Variants in SYN3 observed in about 807,000 individuals in gnomAD.
SYN3 encodes synapsin III.
Under a neutral mutation model 65.8 loss-of-function variants are expected in SYN3, and 35 were observed. The ratio of observed to expected loss-of-function variants is 0.53; its 90% CI spans 0.41 to 0.70. The LOEUF (loss-of-function observed/expected upper bound fraction) is 0.70. Among genes scored for constraint, SYN3 ranks in the 30% least tolerant of loss-of-function variants. SYN3 has a pLI of 0.00. For synonymous variants in SYN3, 270 were observed against 292.9 expected, an observed-to-expected ratio of 0.92 and a Z score of 0.80; for missense variants, 680 against 749.0, an observed-to-expected ratio of 0.91 and a Z score of 1.08.
chr22:32,569,567 C>CTATATATATATATA (rs1225222696), intron 7 of SYN3, among the ~76,000 whole-genome samples: 1 of 64,452 alleles, frequency 1.6e-5, no homozygotes. Context: ...CTCTCTCTCT[C>CTATATATATATATA]TCTCTATATA....
At chr22:32,785,141 G>A (rs189204717) in intron 6 of SYN3, among the ~76,000 whole-genome samples, 1 of 152,134 alleles carries the variant, frequency 6.6e-6, no homozygotes. Flanking sequence ...TGTTACAGCT[G>A]GAGGGGATGA....
intron 6 of SYN3, among the ~76,000 whole-genome samples, chr22:32,723,940 C>T (rs761226872): frequency 5.3e-5 from 8 of 152,180 alleles, no homozygotes; most frequent in Non-Finnish European, 8.8e-5. Flanking sequence ...GCAAATGCCA[C>T]GTCTTGTGGG....
intron 6 of SYN3, among the ~76,000 whole-genome samples, chr22:32,760,209 A>C (rs1305294611): frequency 3.3e-4 from 2 of 6,134 alleles, no homozygotes; most frequent in Non-Finnish European, 6.0e-4. Context: ...ACCCGCCCCC[A>C]GCCAACAGCC....
At chr22:32,980,783 G>T in intron 2 of SYN3, 81 bp from the exon 3 acceptor site, 1 of 1,267,388 alleles carries the variant, frequency 7.9e-7, no homozygotes, top group Non-Finnish European at 1.1e-6. Context: ...CCTTACCCCA[G>T]AGGTGCATAT....
intron 4 of SYN3, among the ~76,000 whole-genome samples, chr22:32,889,614 C>T (rs188311965): frequency 2.0e-5 from 3 of 152,042 alleles, no homozygotes; most frequent in Non-Finnish European, 2.9e-5. Context: ...AACAAATCAA[C>T]GCATATATTT....
At chr22:32,634,690 C>G (rs887309532) in intron 6 of SYN3, among the ~76,000 whole-genome samples, 2 of 152,194 alleles carry the variant, frequency 1.3e-5, no homozygotes, top group South Asian at 2.1e-4. Flanking sequence ...TCTTTCAGGA[C>G]TGCCCTCCAG....
intron 6 of SYN3, among the ~76,000 whole-genome samples, chr22:32,611,382 C>A (rs1327008877): frequency 6.6e-6 from 1 of 150,542 alleles, no homozygotes; most frequent in African/African-American, 2.5e-5. Flanking sequence ...CAACCTCTGC[C>A]TCCCAGATTC....
chr22:32,800,934 C>G (rs2046555953), intron 6 of SYN3, among the ~76,000 whole-genome samples: 1 of 152,186 alleles, frequency 6.6e-6, no homozygotes, highest in Admixed American at 6.5e-5. Context: ...CATGTCCAAC[C>G]CAGAACTCTG....
intron 6 of SYN3, among the ~76,000 whole-genome samples, chr22:32,742,502 A>G (rs1156289690): frequency 6.6e-6 from 1 of 152,170 alleles, no homozygotes; most frequent in Non-Finnish European, 1.5e-5. Flanking sequence ...AGGATGGGAA[A>G]TGAAGGGAGG....
chr22:32,865,003 A>G lies in SYN3; in HGVS notation c.623T>C (p.Phe208Ser). The change falls in exon 6 of 14, where the codon TTC becomes TCC. Residue 208 changes from phenylalanine to serine, a missense_variant and splice_region_variant. Transcript: ENST00000358763. ...VYNFCSKPWV[F>S]SQLIKIFHSL... Reference sequence around the variant, plus strand: ...ATGGAAGATCTTAATGAGCTGAGAGAACTAGGATAGAAGAGGAGAGAACAT... The same window carrying G: ...ATGGAAGATCTTAATGAGCTGAGAGGACTAGGATAGAAGAGGAGAGAACAT... 3 of 1,612,766 alleles carry G rather than the reference A, an allele frequency of 1.9e-6. No homozygotes were observed. The highest frequency in any genetic ancestry group is 2.5e-6 in the Non-Finnish European group (3 of 1,178,756).
intron 6 of SYN3, among the ~76,000 whole-genome samples, chr22:32,777,155 C>T (rs553942616): frequency 9.9e-5 from 15 of 152,248 alleles, no homozygotes; most frequent in South Asian, 2.1e-4. Flanking sequence ...CTCCTTCATT[C>T]CACAGAGAAG....
At chr22:32,542,409 T>C (rs2058270780) in intron 7 of SYN3, among the ~76,000 whole-genome samples, 1 of 151,694 alleles carries the variant, frequency 6.6e-6, no homozygotes, top group Non-Finnish European at 1.5e-5. Context: ...CTGTATGCTA[T>C]GTGTGGTATG....
chr22:33,012,987 T>C (rs1186021084), intron 1 of SYN3, among the ~76,000 whole-genome samples: 1 of 152,366 alleles, frequency 6.6e-6, no homozygotes, highest in Middle Eastern at 3.4e-3. Flanking sequence ...CATTATCATC[T>C]GTGAGAGGTT....
intron 6 of SYN3, among the ~76,000 whole-genome samples, chr22:32,597,049 T>C (rs1488685558): frequency 6.6e-6 from 1 of 152,180 alleles, no homozygotes; most frequent in Non-Finnish European, 1.5e-5. Flanking sequence ...GGCAAGTTAT[T>C]GCATTGACCC....
chr22:32,944,984 G>A lies in SYN3; in HGVS notation c.370-13503C>T, dbSNP rs151247769. 9.2e-3 allele frequency among the ~76,000 whole-genome samples: 1,408 copies of A among 152,258 alleles called. 17 individuals are homozygous for A. The highest frequency in any genetic ancestry group is 0.032 in the African/African-American group (1,311 of 41,538). The stretch of plus-strand genomic sequence containing the variant: ...AAATACCTAGGAATCCAACTTACAA[G>A]GGATGTGAAGGATCTCTTCAAGGAG... On this transcript the variant is annotated intron_variant, in intron 3 of 13. Coordinates refer to ENST00000358763, the MANE Select transcript of SYN3 (RefSeq NM_003490.4).
chr22:32,896,839 G>A (rs1213197724), intron 4 of SYN3, among the ~76,000 whole-genome samples: 3 of 152,180 alleles, frequency 2.0e-5, no homozygotes, highest in African/African-American at 7.2e-5. Flanking sequence ...AGGCTTACCT[G>A]AGATGATACA....
chr22:32,980,771 G>C, intron 2 of SYN3, 69 bp from the exon 3 acceptor site: 1 of 1,441,170 alleles, frequency 6.9e-7, no homozygotes, highest in Non-Finnish European at 9.7e-7. Flanking sequence ...TTCTCCCAAA[G>C]GCCTTACCCC....
At chr22:32,938,927 C>CAAAAAA (rs137558) in intron 3 of SYN3, among the ~76,000 whole-genome samples, 1 of 125,062 alleles carries the variant, frequency 8.0e-6, no homozygotes, top group African/African-American at 3.1e-5. Flanking sequence ...GGCTTTGTCT[C>CAAAAAA]AAAAAAAAAA....
At chr22:32,569,388 A>G (rs375623270) in intron 7 of SYN3, among the ~76,000 whole-genome samples, 1 of 145,980 alleles carries the variant, frequency 6.9e-6, no homozygotes, top group South Asian at 2.2e-4. Flanking sequence ...AAATCTATCT[A>G]TCTCCATCCA....
Sources: allele counts gnomAD v4.1 joint callset (sites outside exome capture counted in the v4.1 genomes callset), GRCh38; gene constraint gnomAD v4.1.1; transcripts MANE v1.5; gene names NCBI Gene and HGNC (gene_info 2026-07-23, HGNC 2026-07-21).